The following CT55 variants were observed in gnomAD, a reference collection of about 807,000 sequenced individuals.
The protein encoded by CT55 is cancer/testis antigen 55, also known as BRCA2-interacting protein.
In CT55, 1 loss-of-function variant was observed where a neutral mutation model predicts 12.6. The observed-to-expected ratio is 0.08, with a 90% confidence interval of 0.03 to 0.38. CT55 has a LOEUF of 0.38. Among genes scored for constraint, CT55 ranks in the 10% least tolerant of loss-of-function variants. The pLI, the probability that CT55 is intolerant of heterozygous loss-of-function variation, is 0.99. For missense variants in CT55, 109 were observed against 135.4 expected (o/e 0.80, Z 0.97); for synonymous variants, 43 against 49.7 (o/e 0.87, Z 0.57).
chrX:135,166,505 G>C (rs1556406052), intron 2 of CT55, among the ~76,000 whole-genome samples: 2 of 111,737 alleles, frequency 1.8e-5, no homozygotes, highest in Non-Finnish European at 1.9e-5. Context: ...ACATCATACT[G>C]AATGGGGAAG....
intron 3 of CT55, among the ~76,000 whole-genome samples, chrX:135,158,567 G>T (rs1194325438): frequency 3.6e-5 from 4 of 112,297 alleles, no homozygotes; most frequent in African/African-American, 1.3e-4. Context: ...GCCAATATGA[G>T]GGAGCAGCAC....
At chrX:135,170,670 T>C (rs2083607062) in intron 1 of CT55, among the ~76,000 whole-genome samples, 1 of 111,421 alleles carries the variant, frequency 9.0e-6, no homozygotes, top group Non-Finnish European at 1.9e-5. Flanking sequence ...TTCTCTGCCT[T>C]CCTTTGGGAT....
chrX:135,166,059 A>C (rs1177356588), intron 2 of CT55, among the ~76,000 whole-genome samples: 74 of 101,217 alleles, frequency 7.3e-4, no homozygotes, highest in Middle Eastern at 0.01. Context: ...AAAAAAAAAA[A>C]AAAAACGGAC....
intron 3 of CT55, among the ~76,000 whole-genome samples, chrX:135,158,896 C>T (rs2083549428): frequency 8.9e-6 from 1 of 112,256 alleles, no homozygotes; most frequent in Non-Finnish European, 1.9e-5. Flanking sequence ...GTAGCAGTAC[C>T]GCTAGGAAAT....
intron 3 of CT55, 109 bp from the exon 4 acceptor site, chrX:135,158,420 TA>T (rs1260621517): frequency 8.6e-6 from 4 of 463,411 alleles, no homozygotes; most frequent in Admixed American, 3.3e-5. Context: ...CTGCTAAATC[TA>T]AAGTCCATTT....
chrX:135,166,810 G>C (rs1243748452), intron 2 of CT55, among the ~76,000 whole-genome samples: 1 of 111,024 alleles, frequency 9.0e-6, no homozygotes, highest in Admixed American at 9.6e-5. Context: ...TACACCAATA[G>C]GGAACTATCT....
chrX:135,171,048 T>TG, intron 1 of CT55, 30 bp downstream of exon 1: 1 of 1,204,797 alleles, frequency 8.3e-7, no homozygotes, highest in Non-Finnish European at 1.1e-6. Context: ...GCTTCTGGGG[T>TG]GGGGGACAAG....
intron 2 of CT55, among the ~76,000 whole-genome samples, chrX:135,162,903 G>C (rs782499351): frequency 9.0e-6 from 1 of 111,656 alleles, no homozygotes; most frequent in Non-Finnish European, 1.9e-5. Flanking sequence ...AGTGAATGGA[G>C]GCTTGGATTC....
intron 2 of CT55, 91 bp downstream of exon 2, chrX:135,169,503 G>T: frequency 1.4e-6 from 1 of 717,140 alleles, no homozygotes; most frequent in Non-Finnish European, 2.1e-6. Flanking sequence ...ACGGATCACA[G>T]CAGAGATGTC....
intron 2 of CT55, among the ~76,000 whole-genome samples, chrX:135,165,794 A>G (rs1203891314): frequency 6.3e-5 from 7 of 110,436 alleles, no homozygotes; most frequent in Non-Finnish European, 5.7e-5. Context: ...ATGAACAATC[A>G]TCTGCCTACA....
At chrX:135,168,660 T>G (rs1325653852) in intron 2 of CT55, among the ~76,000 whole-genome samples, 1 of 111,705 alleles carries the variant, frequency 9.0e-6, no homozygotes. Flanking sequence ...TGGTGATGAT[T>G]GCATAACTCT....
Position 135,171,312 on chromosome X carries a change from C to T in CT55, c.-141G>A. ...CTCCTCAGACACTGTGGCATGGGAC[C>T]CACCCGTTAGTGAGCCCCCCTCAGG... On this transcript the variant is annotated 5_prime_UTR_variant, in exon 1 of 6. Coordinates refer to ENST00000276241, the MANE Select transcript of CT55 (RefSeq NM_001031705.3). 9.4e-7 allele frequency: 1 copy of T among 1,064,253 alleles called. No homozygotes were observed. The highest frequency in any genetic ancestry group is 1.2e-6 in the Non-Finnish European group (1 of 809,409). The allele number at this position is 1,064,253 out of a possible 1,213,427, so 87.7% of individuals were successfully genotyped here.
rs1208142937 is a variant in CT55, at chrX:135,161,860, G to T, written c.280-1305C>A. Among the ~76,000 whole-genome samples the T allele has an allele frequency of 3.6e-5, 4 of 112,485 alleles. 1 individual carries two copies. In the Middle Eastern group the frequency reaches 0.014, roughly 391 times the overall value. On this transcript the variant is annotated intron_variant, in intron 2 of 5. Coordinates refer to ENST00000276241, the MANE Select transcript of CT55 (RefSeq NM_001031705.3). ...TCACTTACTGTCATGAAGGAATGAG[G>T]CATTAGCCTCCCATCCACATATCTA... is the stretch of plus-strand genomic sequence containing the variant.
chrX:135,160,131 G>A, intron 3 of CT55, among the ~76,000 whole-genome samples: 1 of 111,895 alleles, frequency 8.9e-6, no homozygotes, highest in Non-Finnish European at 1.9e-5. Flanking sequence ...GCACTTGTAG[G>A]ATTGTTTTCT....
chrX:135,161,613 A>G (rs1434565627), intron 2 of CT55, among the ~76,000 whole-genome samples: 1 of 112,486 alleles, frequency 8.9e-6, no homozygotes, highest in Non-Finnish European at 1.9e-5. Context: ...ACATAATTAG[A>G]CATTTCACTT....
At chrX:135,163,116 C>T (rs782078339) in intron 2 of CT55, among the ~76,000 whole-genome samples, 7 of 111,956 alleles carry the variant, frequency 6.3e-5, no homozygotes, top group African/African-American at 9.7e-5. Context: ...CTGCAAAGAC[C>T]GAAATGGATA....
At chrX:135,164,462 TA>T (rs1219421753) in intron 2 of CT55, among the ~76,000 whole-genome samples, 1 of 111,256 alleles carries the variant, frequency 9.0e-6, no homozygotes, top group African/African-American at 3.3e-5. Context: ...CAAAACACAC[TA>T]ATAGAGAAAA....
chrX:135,166,539 C>T lies in CT55; in HGVS notation c.279+3055G>A, dbSNP rs137855681. ...AGTGTTGCAGGCTTTTCCTCTAAGA[C>T]CTGGAACAGGACAGAAATGCCCACT... On this transcript the variant is annotated intron_variant, in intron 2 of 5. Transcript: ENST00000276241. 8.3e-4 allele frequency among the ~76,000 whole-genome samples: 93 copies of T among 111,935 alleles called. 1 individual carries two copies. The highest frequency in any genetic ancestry group is 9.2e-3 in the Middle Eastern group (2 of 217).
chrX:135,168,543 A>G (rs1318557722), intron 2 of CT55, among the ~76,000 whole-genome samples: 6 of 111,632 alleles, frequency 5.4e-5, no homozygotes, highest in African/African-American at 9.8e-5. Flanking sequence ...ATACAAACAG[A>G]AAGTGGATAA....
Sources: allele counts gnomAD v4.1 joint callset (sites outside exome capture counted in the v4.1 genomes callset), GRCh38; gene constraint gnomAD v4.1.1; transcripts MANE v1.5; gene names NCBI Gene and HGNC (gene_info 2026-07-23, HGNC 2026-07-21).